KCNB2: variants seen among roughly 807,000 people sequenced by gnomAD.
The protein encoded by KCNB2 is potassium voltage-gated channel subfamily B member 2, also known as delayed rectifier potassium channel protein.
Under a neutral mutation model 61.5 loss-of-function variants are expected in KCNB2, and 15 were observed. The ratio of observed to expected loss-of-function variants is 0.24; its 90% CI spans 0.16 to 0.38. The LOEUF is 0.38. Ranked by LOEUF, KCNB2 falls within the 10% of genes least tolerant of loss-of-function variation. The pLI, the probability that KCNB2 is intolerant of heterozygous loss-of-function variation, is 1.00. For synonymous variants in KCNB2, 457 were observed against 446.0 expected (o/e 1.02, Z -0.31); for missense variants, 828 against 1,125.2 (o/e 0.74, Z 3.78).
chr8:72,818,473 C>A (rs1019493533), intron 2 of KCNB2, among the ~76,000 whole-genome samples: 1 of 152,146 alleles, frequency 6.6e-6, no homozygotes, highest in African/African-American at 2.4e-5. Context: ...TCCTAGGGCT[C>A]CCCTGGAAAA....
intron 2 of KCNB2, among the ~76,000 whole-genome samples, chr8:72,915,574 C>G (rs1018901046): frequency 2.6e-5 from 4 of 152,006 alleles, no homozygotes; most frequent in Non-Finnish European, 5.9e-5. Context: ...GGGGGGAAAA[C>G]TTTAATTTCC....
intron 2 of KCNB2, among the ~76,000 whole-genome samples, chr8:72,628,242 T>C (rs1001201954): frequency 6.6e-6 from 1 of 152,122 alleles, no homozygotes; most frequent in African/African-American, 2.4e-5. Context: ...GCGTGAGCCA[T>C]CACGTCTGGT....
chr8:72,594,917 G>A (rs1807162801), intron 2 of KCNB2, among the ~76,000 whole-genome samples: 1 of 152,120 alleles, frequency 6.6e-6, no homozygotes, highest in Non-Finnish European at 1.5e-5. Flanking sequence ...TTAGCCAAAG[G>A]TGATGGTTAA....
chr8:72,544,760 T>C (rs1806235733), intron 1 of KCNB2, among the ~76,000 whole-genome samples: 1 of 152,190 alleles, frequency 6.6e-6, no homozygotes, highest in Non-Finnish European at 1.5e-5. Flanking sequence ...AATTTTTGCT[T>C]ATATGAGAGT....
intron 1 of KCNB2, among the ~76,000 whole-genome samples, chr8:72,561,688 C>CTTTTTT (rs1344549518): frequency 3.2e-5 from 1 of 30,896 alleles, no homozygotes; most frequent in Non-Finnish European, 5.9e-5. Flanking sequence ...CAGGATCTTA[C>CTTTTTT]TTTTATATAT....
intron 2 of KCNB2, among the ~76,000 whole-genome samples, chr8:72,810,282 T>A (rs1421258553): frequency 6.6e-6 from 1 of 152,176 alleles, no homozygotes; most frequent in Non-Finnish European, 1.5e-5. Context: ...CTCATCTAAT[T>A]TATCATCCAT....
chr8:72,746,670 C>T (rs1363295398), intron 2 of KCNB2, among the ~76,000 whole-genome samples: 2 of 152,102 alleles, frequency 1.3e-5, no homozygotes, highest in Non-Finnish European at 2.9e-5. Flanking sequence ...GGTACAGCCT[C>T]AGAATGATTG....
chr8:72,746,387 T>C (rs574579952), intron 2 of KCNB2, among the ~76,000 whole-genome samples: 1 of 152,250 alleles, frequency 6.6e-6, no homozygotes, highest in Admixed American at 6.5e-5. Flanking sequence ...TGGTCATAAA[T>C]AGAACCTCAA....
intron 2 of KCNB2, among the ~76,000 whole-genome samples, chr8:72,696,454 A>G (rs1807020128): frequency 6.6e-6 from 1 of 152,190 alleles, no homozygotes; most frequent in Non-Finnish European, 1.5e-5. Context: ...CATTATGTAT[A>G]TAATCTCAAA....
intron 2 of KCNB2, among the ~76,000 whole-genome samples, chr8:72,827,957 T>C (rs1470763713): frequency 6.6e-6 from 1 of 151,964 alleles, no homozygotes; most frequent in African/African-American, 2.4e-5. Flanking sequence ...GGATTACAGG[T>C]GCCTGCCACC....
chr8:72,629,286 C>T (rs1278699784), intron 2 of KCNB2, among the ~76,000 whole-genome samples: 2 of 152,164 alleles, frequency 1.3e-5, no homozygotes, highest in Non-Finnish European at 2.9e-5. Context: ...GATTGAGAGG[C>T]ACTGATGTCA....
intron 2 of KCNB2, among the ~76,000 whole-genome samples, chr8:72,823,860 C>G (rs187495756): frequency 6.6e-6 from 1 of 152,180 alleles, no homozygotes; most frequent in South Asian, 2.1e-4. Flanking sequence ...CCTGTCACCC[C>G]GAGGGCCACA....
chr8:72,569,650 G>A (rs55919585), intron 2 of KCNB2, among the ~76,000 whole-genome samples: 9,767 of 151,956 alleles, frequency 0.064, 464 homozygotes, highest in Middle Eastern at 0.11. Flanking sequence ...AAAATGTGCC[G>A]CATTTGTGGG....
At chr8:72,679,708 A>G (rs1230946544) in intron 2 of KCNB2, among the ~76,000 whole-genome samples, 2 of 152,242 alleles carry the variant, frequency 1.3e-5, no homozygotes, top group Non-Finnish European at 2.9e-5. Context: ...AAGATGAACC[A>G]TGATTGTCTT....
intron 2 of KCNB2, among the ~76,000 whole-genome samples, chr8:72,842,078 C>G (rs536656392): frequency 1.3e-5 from 2 of 150,830 alleles, no homozygotes; most frequent in Non-Finnish European, 2.9e-5. Context: ...ACAAATAGCT[C>G]TTATTATTTT....
At chr8:72,698,946 A>C (rs565140908) in intron 2 of KCNB2, among the ~76,000 whole-genome samples, 3 of 152,328 alleles carry the variant, frequency 2.0e-5, no homozygotes, top group African/African-American at 7.2e-5. Context: ...TGCCTTGGGA[A>C]AGAATTTATG....
At chr8:72,614,752 G>A (rs527340437) in intron 2 of KCNB2, among the ~76,000 whole-genome samples, 10 of 152,146 alleles carry the variant, frequency 6.6e-5, no homozygotes, top group Admixed American at 3.9e-4. Flanking sequence ...TTCTGAAAAC[G>A]TCTTATTTCA....
At chr8:72,647,187 G>A (rs1275430245) in intron 2 of KCNB2, among the ~76,000 whole-genome samples, 1 of 152,054 alleles carries the variant, frequency 6.6e-6, no homozygotes, top group Non-Finnish European at 1.5e-5. Context: ...TCATGGCAAA[G>A]CAAACTCTGT....
intron 2 of KCNB2, among the ~76,000 whole-genome samples, chr8:72,782,456 G>T (rs994264519): frequency 6.6e-6 from 1 of 151,982 alleles, no homozygotes; most frequent in Non-Finnish European, 1.5e-5. Flanking sequence ...GCTGGCTCTG[G>T]GTCTCTTCTT....
Sources: gnomAD v4.1 joint callset for allele counts (sites outside exome capture counted in the v4.1 genomes callset) on GRCh38, gnomAD v4.1.1 for gene constraint, MANE v1.5 for transcripts, NCBI Gene and HGNC (gene_info 2026-07-23, HGNC 2026-07-21) for gene names.